The following KCNN1 variants were observed in gnomAD, a reference collection of about 807,000 sequenced individuals.
The protein encoded by KCNN1 is potassium calcium-activated channel subfamily N member 1.
KCNN1 carries 20 observed loss-of-function variants against 44.7 expected under a neutral mutation model. That is an observed-to-expected ratio of 0.45 (90% confidence interval 0.32 to 0.65). The LOEUF (loss-of-function observed/expected upper bound fraction) is 0.65, where lower values mean the gene tolerates loss of function less well. Among genes scored for constraint, KCNN1 ranks in the 30% least tolerant of loss-of-function variants. KCNN1 has a pLI of 0.05. For missense variants in KCNN1, 632 were observed against 785.3 expected (o/e 0.80, Z 2.33); for synonymous variants, 324 against 341.7 (o/e 0.95, Z 0.57).
Position 17,973,891 on chromosome 19 carries a change from G to GT in KCNN1, c.3_4insT (p.Asn2Ter). On this transcript the variant is annotated frameshift_variant, in exon 2 of 10. Transcript: ENST00000684775. ...CCAACCCCTGCACCCAGGTAGTCATGAACAGCCACAGCTACAATGGCAGCG... is the reference window on the plus strand; with the variant it reads ...CCAACCCCTGCACCCAGGTAGTCATGTAACAGCCACAGCTACAATGGCAGCG... 1 of 1,551,936 alleles carries GT rather than the reference G, an allele frequency of 6.4e-7. No individual in the cohort carries two copies. The highest frequency in any genetic ancestry group is 8.7e-7 in the Non-Finnish European group (1 of 1,150,184).
chr19:17,992,618 G>T (rs2032833689), intron 7 of KCNN1, among the ~76,000 whole-genome samples: 1 of 152,038 alleles, frequency 6.6e-6, no homozygotes, highest in South Asian at 2.1e-4. Flanking sequence ...ACAAAGGGAT[G>T]GTCAAAAGGG....
chr19:17,997,103 C>T (rs1215800525), intron 9 of KCNN1, among the ~76,000 whole-genome samples: 1 of 152,190 alleles, frequency 6.6e-6, no homozygotes, highest in Non-Finnish European at 1.5e-5. Flanking sequence ...AGTGCCAGAA[C>T]CGGGCAGTTG....
At chr19:17,990,830 AAAAGAAG>A (rs1181043850) in intron 7 of KCNN1, among the ~76,000 whole-genome samples, 9 of 151,752 alleles carry the variant, frequency 5.9e-5, no homozygotes, top group Admixed American at 5.9e-4. Context: ...AAAAAGAAAA[AAAAGAAG>A]AAAGAAATTG....
At chr19:17,986,806 C>T (rs1221686706) in intron 5 of KCNN1, among the ~76,000 whole-genome samples, 2 of 150,296 alleles carry the variant, frequency 1.3e-5, no homozygotes, top group Non-Finnish European at 3.0e-5. Flanking sequence ...CCATGCCTGA[C>T]TTTGTTTTTT....
At chr19:17,970,517 A>C (rs537624436) in intron 1 of KCNN1, among the ~76,000 whole-genome samples, 2 of 151,246 alleles carry the variant, frequency 1.3e-5, no homozygotes, top group African/African-American at 2.4e-5. Context: ...GGGTTTCACT[A>C]TGTTGGCCAG....
At chr19:17,979,265 C>T (rs1386093109) in intron 3 of KCNN1, among the ~76,000 whole-genome samples, 2 of 150,742 alleles carry the variant, frequency 1.3e-5, no homozygotes, top group East Asian at 3.9e-4. Context: ...AACCCCGTCT[C>T]TACTAAAAAT....
intron 7 of KCNN1, among the ~76,000 whole-genome samples, chr19:17,992,311 C>T (rs2032822094): frequency 6.6e-6 from 1 of 151,864 alleles, no homozygotes; most frequent in African/African-American, 2.4e-5. Context: ...GGCTTAGGTA[C>T]AGAAGGGAGT....
chr19:17,975,788 G>A (rs4808728), intron 3 of KCNN1, among the ~76,000 whole-genome samples: 113,778 of 151,840 alleles, frequency 0.75, 43,784 homozygotes, highest in African/African-American at 0.93. Flanking sequence ...ATGCAGTCAT[G>A]GCTTTGACCT....
intron 9 of KCNN1, among the ~76,000 whole-genome samples, chr19:17,995,382 C>T (rs1173141463): frequency 3.3e-5 from 5 of 152,066 alleles, no homozygotes. Flanking sequence ...CCATGTTGCC[C>T]AGGCTGGTCT....
chr19:17,957,789 G>T (rs1568444163), intron 2 of KCNN1, among the ~76,000 whole-genome samples: 1 of 152,248 alleles, frequency 6.6e-6, no homozygotes, highest in East Asian at 1.9e-4. Context: ...GAGAGGCATG[G>T]TCTCAGTTAG....
In KCNN1 at chr19:17,983,759, C is replaced by T. The variant is rs922710206; in HGVS notation, c.918-1553C>T. 3.3e-5 allele frequency among the ~76,000 whole-genome samples: 5 copies of T among 152,046 alleles called. No homozygotes were observed. The highest frequency in any genetic ancestry group is 9.7e-5 in the African/African-American group (4 of 41,408). ...CCCGCGGCACCCCCCACCATCGCTC[C>T]GTCTGGATCTGGGGCTCACCCACCC... On this transcript the variant is annotated intron_variant, in intron 4 of 9. Coordinates refer to ENST00000684775, the MANE Select transcript of KCNN1 (RefSeq NM_001386974.1). The surrounding 1 kb of genome is among the most constrained non-coding windows in gnomAD (Gnocchi z 4.5).
chr19:17,989,766 A>G lies in KCNN1; in HGVS notation c.1221A>G (p.Lys407=). Residue 407 remains lysine, a synonymous_variant, in exon 7 of 10, where the codon AAA becomes AAG. Coordinates refer to ENST00000684775, the MANE Select transcript of KCNN1 (RefSeq NM_001386974.1). ...TCAGGGAGACGTGGCTCATCTACAA[A>G]CATACCAGGCTGGTGAAGAAGCCAG... ...NVLRETWLIY[K]HTRLVKKPDQ... The G allele has an allele frequency of 6.2e-7, 1 of 1,613,934 alleles. No homozygotes were observed. Among genetic ancestry groups the G allele is most frequent in the Non-Finnish European group, 8.5e-7 (1 of 1,179,880 alleles).
chr19:17,988,391 G>A lies in KCNN1; in HGVS notation c.1060-24G>A, dbSNP rs769281926. The A allele has an allele frequency of 1.9e-6, 3 of 1,593,158 alleles. No individual in the cohort carries two copies. The South Asian group carries it at 3.4e-5, about 18-fold the overall frequency. ...AGTGACCTCAAGACAGGACGCTGAT[G>A]TGCCCCCTCTGCCCTGCACACAGGG... On this transcript the variant is annotated intron_variant, in intron 5 of 9. Transcript: ENST00000684775.
At chr19:17,978,308 G>A (rs1023186961) in intron 3 of KCNN1, among the ~76,000 whole-genome samples, 4 of 150,748 alleles carry the variant, frequency 2.7e-5, no homozygotes, top group Admixed American at 2.0e-4. Context: ...TGTATTTTTC[G>A]TAGAGATGGG....
Position 17,999,990 on chromosome 19 carries a change from G to T in KCNN1, c.*1584G>T. The T allele has an allele frequency of 2.2e-6, 1 of 455,998 alleles. No homozygotes were observed. The highest frequency in any genetic ancestry group is 4.4e-6 in the Non-Finnish European group (1 of 226,766). 28.2% of individuals were successfully genotyped at this position (455,998 alleles called of 1,614,324 possible). ...CCTTGGTTGTTTCATCTGTAAAATG[G>T]GGTGACAGTCTATTTAACCAGAACT... On this transcript the variant is annotated 3_prime_UTR_variant, in exon 10 of 10. Transcript: ENST00000684775.
Position 17,973,998 on chromosome 19 carries a change from C to G in KCNN1, c.110C>G (p.Pro37Arg), listed in dbSNP as rs376519329. The G allele has an allele frequency of 6.3e-7, 1 of 1,588,234 alleles. No individual in the cohort carries two copies. The highest frequency in any genetic ancestry group is 1.1e-5 in the South Asian group (1 of 88,646). ...DPEAGHPPQP[P>R]HSPGLQVVVA... is the part of the protein sequence containing the mutation. ...GAGGCCGGCCACCCCCCACAACCCCCGCACAGCCCGGGCCTCCAGGTGGTA... is the reference window on the plus strand; with the variant it reads ...GAGGCCGGCCACCCCCCACAACCCCGGCACAGCCCGGGCCTCCAGGTGGTA... Residue 37 changes from proline (P) to arginine (R), a missense_variant, in exon 2 of 10, where the codon CCG (proline) becomes CGG (arginine). By Grantham distance (103) the Pro-to-Arg change is moderately radical. Coordinates refer to ENST00000684775, the MANE Select transcript of KCNN1 (RefSeq NM_001386974.1).
rs75187231 is a variant in KCNN1 at position 17,996,040 on chromosome 19, G to C, written c.1378-2112G>C. 4.7e-4 allele frequency among the ~76,000 whole-genome samples: 71 copies of C among 151,654 alleles called. 1 individual carries two copies. In the East Asian group the frequency reaches 0.013, roughly 27 times the overall value. ...TATGGTAGAGAAAGGAAAATATTAA[G>C]AAAATCAGGCCAGATGCAGTGGCTC... On this transcript the variant is annotated intron_variant, in intron 9 of 9. Coordinates refer to ENST00000684775, the MANE Select transcript of KCNN1 (RefSeq NM_001386974.1).
intron 2 of KCNN1, among the ~76,000 whole-genome samples, chr19:17,956,137 CA>C: frequency 6.6e-6 from 1 of 152,220 alleles, no homozygotes; most frequent in Admixed American, 6.5e-5. Context: ...GGGGTTTCCC[CA>C]TGTTGGCCGG....
intron 7 of KCNN1, among the ~76,000 whole-genome samples, chr19:17,990,897 G>C (rs1309000669): frequency 6.6e-6 from 1 of 151,976 alleles, no homozygotes; most frequent in South Asian, 2.1e-4. Context: ...TAATAAAGTA[G>C]CTCTAAATCC....
Sources: allele counts gnomAD v4.1 joint callset (sites outside exome capture counted in the v4.1 genomes callset), GRCh38; gene constraint gnomAD v4.1.1; non-coding constraint Gnocchi (gnomAD v3.1); transcripts MANE v1.5; gene names NCBI Gene and HGNC (gene_info 2026-07-23, HGNC 2026-07-21).